The following ZNF729 variants were observed in gnomAD, a reference collection of about 807,000 sequenced individuals.
ZNF729 encodes zinc finger protein 729.
A neutral mutation model predicts 12.2 loss-of-function variants in ZNF729; 15 were observed. That is an observed-to-expected ratio of 1.23 (90% CI 0.82 to 1.89). ZNF729 has a LOEUF of 1.89. ZNF729 is among the 40% of genes most tolerant of loss of function. The probability of loss-of-function intolerance (pLI) is 0.00; values close to 1 mark genes in which losing one functional copy is unlikely to be tolerated. For synonymous variants in ZNF729, 492 were observed against 476.3 expected (o/e 1.03, Z -0.43); for missense variants, 1,540 against 1,456.7 (o/e 1.06, Z -0.93).
Position 22,316,361 on chromosome 19 carries a change from C to T in ZNF729, c.2944C>T (p.His982Tyr). The change falls in exon 4 of 4, where the codon CAT (histidine) becomes TAT (tyrosine). Residue 982 changes from histidine (H) to tyrosine (Y), a missense_variant. By Grantham distance (83) the His-to-Tyr change is moderately conservative. Coordinates refer to ENST00000601693, the MANE Select transcript of ZNF729 (RefSeq NM_001242680.2). ...TAAGCAATCCTCACATCTTACTAGA[C>T]ATAAAGCAATTCATACTGGGGAGAA... ...AFKQSSHLTR[H>Y]KAIHTGEKPY... 6.2e-7 allele frequency: 1 copy of T among 1,613,680 alleles called. No individual in the cohort carries two copies. Among genetic ancestry groups the T allele is most frequent in the Non-Finnish European group, 8.5e-7 (1 of 1,179,732 alleles).
rs1968533334 is a variant in ZNF729, at chr19:22,316,017, T to G, written c.2600T>G (p.Leu867Arg). 1 of 1,610,634 alleles carries G rather than the reference T, an allele frequency of 6.2e-7. No individual in the cohort carries two copies. The highest frequency in any genetic ancestry group is 1.1e-5 in the South Asian group (1 of 91,052). ...CGKAFSQSSS[L>R]RKHEIIHSGE... ...AAAGCTTTTAGCCAATCCTCATCCCTTAGAAAACATGAGATAATTCATAGT... is the reference window on the plus strand; with the variant it reads ...AAAGCTTTTAGCCAATCCTCATCCCGTAGAAAACATGAGATAATTCATAGT... The change falls in exon 4 of 4, where the codon CTT becomes CGT. Residue 867 changes from leucine (L) to arginine (R), a missense_variant. Transcript: ENST00000601693.
At chr19:22,306,820 G>A (rs1968383829) in intron 3 of ZNF729, among the ~76,000 whole-genome samples, 1 of 151,104 alleles carries the variant, frequency 6.6e-6, no homozygotes. Flanking sequence ...AATTTTAAGG[G>A]TTTCTGCACT....
At chr19:22,303,247 GTTTGACAAAAGATTC>G (rs1968336397) in intron 1 of ZNF729, among the ~76,000 whole-genome samples, 1 of 150,300 alleles carries the variant, frequency 6.7e-6, no homozygotes, top group African/African-American at 2.5e-5. Flanking sequence ...CTTGCTGAAT[GTTTGACAAAAGATTC>G]TTTTTTGGGC....
At chr19:22,308,716 A>T (rs867816581) in intron 3 of ZNF729, among the ~76,000 whole-genome samples, 4 of 150,866 alleles carry the variant, frequency 2.7e-5, no homozygotes, top group Admixed American at 1.3e-4. Flanking sequence ...TTTTGATGGG[A>T]TTGTTTTTTT....
chr19:22,313,669 A>C lies in ZNF729; in HGVS notation c.254-2A>C, dbSNP rs1341818534. Reference sequence around the variant, plus strand: ...ATAATTTGTTATTTTTATTTCTTCTAGTTATGCGTTCTCATTTTACACAAG... The same window carrying C: ...ATAATTTGTTATTTTTATTTCTTCTCGTTATGCGTTCTCATTTTACACAAG... On this transcript the variant is annotated splice_acceptor_variant, in intron 3 of 3. Transcript: ENST00000601693. LOFTEE classifies it high-confidence loss of function. The C allele has an allele frequency of 6.8e-7, 1 of 1,464,970 alleles. No homozygotes were observed. Among genetic ancestry groups the C allele is most frequent in the African/African-American group, 1.4e-5 (1 of 70,520 alleles). The allele number at this position is 1,464,970 out of a possible 1,614,324, so 90.7% of individuals were successfully genotyped here. A position where few individuals can be genotyped will look rare whatever the true frequency, so the allele number is the denominator to read the frequency against.
At position 22,304,720 on chromosome 19, in the gene ZNF729, T is replaced by G. The variant is rs1194769935; in HGVS notation, c.190T>G (p.Cys64Gly). ...MAVFKPDLIT[C>G]LKQGKEPWNM... ...TGTCTTTAAGCCAGACTTGATAACT[T>G]GTCTGAAGCAAGGGAAAGAGCCTTG... Residue 64 changes from cysteine to glycine, a missense_variant, in exon 3 of 4, where the codon TGT becomes GGT. Physicochemically the swap from Cys to Gly is radical, Grantham distance 159 (BLOSUM62 -3). Coordinates refer to ENST00000601693, the MANE Select transcript of ZNF729 (RefSeq NM_001242680.2). 1 of 1,613,328 alleles carries G rather than the reference T, an allele frequency of 6.2e-7. No homozygotes were observed. The highest frequency in any genetic ancestry group is 8.5e-7 in the Non-Finnish European group (1 of 1,179,680).
At chr19:22,312,711 TTTTG>T (rs375382181) in intron 3 of ZNF729, among the ~76,000 whole-genome samples, 117 of 152,188 alleles carry the variant, frequency 7.7e-4, no homozygotes, top group East Asian at 5.4e-3. Context: ...CTACTGGTTT[TTTTG>T]TTTGTTTGTT....
chr19:22,288,511 A>T (rs1445769101), intron 1 of ZNF729, among the ~76,000 whole-genome samples: 3 of 152,104 alleles, frequency 2.0e-5, no homozygotes, highest in Non-Finnish European at 4.4e-5. Context: ...TCTAGTGAAT[A>T]TCAGCTCCTG....
chr19:22,307,316 ATT>A (rs35650592), intron 3 of ZNF729, among the ~76,000 whole-genome samples: 33,519 of 94,406 alleles, frequency 0.36, 5,227 homozygotes, highest in Middle Eastern at 0.5. Context: ...ACAATGTAGC[ATT>A]TTTTTTTTTT....
intron 2 of ZNF729, 77 bp from the exon 3 acceptor site, chr19:22,304,611 C>A (rs878897136): frequency 8.2e-7 from 1 of 1,219,564 alleles, no homozygotes. Flanking sequence ...CTAGAATATT[C>A]TATTACATTC....
intron 1 of ZNF729, 27 bp downstream of exon 1, chr19:22,286,582 A>G (rs1479218302): frequency 6.2e-7 from 1 of 1,613,744 alleles, no homozygotes; most frequent in Non-Finnish European, 8.5e-7. Flanking sequence ...CGACATCCCG[A>G]GAAGGGGAAG....
rs755544990 is a variant in ZNF729, at chr19:22,315,802, C to G, written c.2385C>G (p.Pro795=). The change falls in exon 4 of 4, where the codon CCC becomes CCG. Residue 795 remains proline (P), a synonymous_variant. Transcript: ENST00000601693. ...AGGTAATTCATACTGGAGAGAAACC[C>G]TACAAGTGTGAAGAATGTGGTAAAG... ...KHKVIHTGEK[P]YKCEECGKAF... 2 of 1,610,106 alleles carry G rather than the reference C, an allele frequency of 1.2e-6. No individual in the cohort carries two copies. Among genetic ancestry groups the G allele is most frequent in the East Asian group, 4.5e-5 (2 of 44,774 alleles).
At chr19:22,308,951 T>G (rs1019596808) in intron 3 of ZNF729, among the ~76,000 whole-genome samples, 1 of 152,220 alleles carries the variant, frequency 6.6e-6, no homozygotes, top group Non-Finnish European at 1.5e-5. Context: ...GCATTTGCTT[T>G]TGGGTTCTTG....
Position 22,313,813 on chromosome 19 carries a change from T to A in ZNF729, c.396T>A (p.Gly132=), listed in dbSNP as rs1004108968. The stretch of plus-strand genomic sequence containing the variant: ...AAGATTGTAAAAGTGCCAATGAGGG[T>A]AAGATGCACAAAGAAGGTTATAATA... ...LRKDCKSANE[G]KMHKEGYNKL... Residue 132 remains glycine, a synonymous_variant, in exon 4 of 4, where the codon GGT becomes GGA. Coordinates refer to ENST00000601693, the MANE Select transcript of ZNF729 (RefSeq NM_001242680.2). The A allele has an allele frequency of 6.3e-7, 1 of 1,593,778 alleles. No homozygotes were observed. Among genetic ancestry groups the A allele is most frequent in the Non-Finnish European group, 8.5e-7 (1 of 1,171,928 alleles).
intron 3 of ZNF729, among the ~76,000 whole-genome samples, chr19:22,305,095 T>C (rs1968362428): frequency 6.6e-6 from 1 of 152,188 alleles, no homozygotes; most frequent in Admixed American, 6.6e-5. Flanking sequence ...CACAAATATC[T>C]GTATAGTTTT....
chr19:22,295,537 A>AC (rs1005414833), intron 1 of ZNF729, among the ~76,000 whole-genome samples: 12 of 151,856 alleles, frequency 7.9e-5, no homozygotes, highest in African/African-American at 2.7e-4. Flanking sequence ...ACTACAGGCG[A>AC]CTACAGGCGC....
Position 22,286,569 on chromosome 19 carries a change from G to A in ZNF729, c.30+14G>A, listed in dbSNP as rs1437311952. On this transcript the variant is annotated intron_variant, in intron 1 of 3. Coordinates refer to ENST00000601693, the MANE Select transcript of ZNF729 (RefSeq NM_001242680.2). ...AGCCTAGAAATGGTGAGAGTGCCGG[G>A]TCCGACATCCCGAGAAGGGGAAGGG... 5 of 1,613,966 alleles carry A rather than the reference G, an allele frequency of 3.1e-6. No individual in the cohort carries two copies. The highest frequency in any genetic ancestry group is 4.2e-6 in the Non-Finnish European group (5 of 1,180,010).
Position 22,313,984 on chromosome 19 carries a change from T to C in ZNF729, c.567T>C (p.Phe189=), listed in dbSNP as rs1968484597. The change falls in exon 4 of 4, where the codon TTT becomes TTC. Residue 189 remains phenylalanine (F), a synonymous_variant. Transcript: ENST00000601693. ...AATGTATAAAATGTAGCAAATCATTTTTCATGCTTTCATGCTTAATTCGAC... is the reference window on the plus strand; with the variant it reads ...AATGTATAAAATGTAGCAAATCATTCTTCATGCTTTCATGCTTAATTCGAC... ...TFKCIKCSKS[F]FMLSCLIRHK... The C allele has an allele frequency of 1.3e-6, 2 of 1,540,112 alleles. No homozygotes were observed. The highest frequency in any genetic ancestry group is 1.7e-6 in the Non-Finnish European group (2 of 1,146,012).
rs1968541908 is a variant in ZNF729 at position 22,316,374 on chromosome 19, A to G, written c.2957A>G (p.His986Arg). Residue 986 changes from histidine (H) to arginine (R), a missense_variant, in exon 4 of 4, where the codon CAT (histidine) becomes CGT (arginine). Transcript: ENST00000601693. ...CATCTTACTAGACATAAAGCAATTCATACTGGGGAGAAACCCTACAAATGC... is the reference window on the plus strand; with the variant it reads ...CATCTTACTAGACATAAAGCAATTCGTACTGGGGAGAAACCCTACAAATGC... Reference protein sequence around the residue: ...SSHLTRHKAIHTGEKPYKCEE... With the variant: ...SSHLTRHKAIRTGEKPYKCEE... 1.9e-6 allele frequency: 3 copies of G among 1,613,748 alleles called. No individual in the cohort carries two copies. The highest frequency in any genetic ancestry group is 2.5e-6 in the Non-Finnish European group (3 of 1,179,744).
Sources: gnomAD v4.1 joint callset for allele counts (sites outside exome capture counted in the v4.1 genomes callset) on GRCh38, gnomAD v4.1.1 for gene constraint, MANE v1.5 for transcripts, NCBI Gene and HGNC (gene_info 2026-07-23, HGNC 2026-07-21) for gene names.